VDAC2: variants seen among roughly 807,000 people sequenced by gnomAD.
VDAC2 encodes the protein non-selective voltage-gated ion channel VDAC2.
A neutral mutation model predicts 36.6 loss-of-function variants in VDAC2; 6 were observed. That is an observed-to-expected ratio of 0.16 (90% confidence interval 0.09 to 0.32). The LOEUF is 0.32. Among genes scored for constraint, VDAC2 ranks in the 10% least tolerant of loss-of-function variants. The probability of loss-of-function intolerance (pLI) is 1.00; values close to 1 mark genes in which losing one functional copy is unlikely to be tolerated. For synonymous variants in VDAC2, 109 were observed against 123.8 expected (o/e 0.88, Z 0.79); for missense variants, 247 against 346.0 (o/e 0.71, Z 2.27).
At chr10:75,226,104 T>G in intron 8 of VDAC2, among the ~76,000 whole-genome samples, 1 of 152,152 alleles carries the variant, frequency 6.6e-6, no homozygotes, top group East Asian at 1.9e-4. Context: ...AGTTGCTTCT[T>G]TAAACCTATC....
At chr10:75,225,689 C>G (rs1841932592) in intron 8 of VDAC2, among the ~76,000 whole-genome samples, 1 of 152,204 alleles carries the variant, frequency 6.6e-6, no homozygotes, top group Admixed American at 6.5e-5. Flanking sequence ...TGTCCTGTGA[C>G]TAAAGTCTCA....
chr10:75,210,394 G>C (rs1047898072), upstream of VDAC2, among the ~76,000 whole-genome samples: 1 of 152,312 alleles, frequency 6.6e-6, no homozygotes, highest in East Asian at 1.9e-4. Context: ...TTTGTTTCGG[G>C]GGGGAACCCG....
chr10:75,223,389 T>G lies in VDAC2; in HGVS notation c.735+987T>G, dbSNP rs182938255. On this transcript the variant is annotated intron_variant, in intron 8 of 9. Coordinates refer to ENST00000332211, the MANE Select transcript of VDAC2 (RefSeq NM_001391963.1). ...GGATGTCTGTGGCATTTTAACAGATTTAATGTAAGTGGAAGAAGCTTCTCT... is the reference window on the plus strand; with the variant it reads ...GGATGTCTGTGGCATTTTAACAGATGTAATGTAAGTGGAAGAAGCTTCTCT... Among the ~76,000 whole-genome samples, 9 of 152,308 alleles carry G rather than the reference T, an allele frequency of 5.9e-5. No individual in the cohort carries two copies. The East Asian group carries it at 1.7e-3, about 29-fold the overall frequency.
chr10:75,222,728 T>A (rs1183848502), intron 8 of VDAC2, among the ~76,000 whole-genome samples: 1 of 151,696 alleles, frequency 6.6e-6, no homozygotes, highest in Non-Finnish European at 1.5e-5. Flanking sequence ...AGTGCTTTTT[T>A]AAGGCTCTCT....
chr10:75,230,801 A>C, intron 9 of VDAC2, 97 bp from the exon 10 acceptor site: 1 of 1,023,966 alleles, frequency 9.8e-7, no homozygotes, highest in Non-Finnish European at 1.4e-6. Flanking sequence ...AGGAAGTGAC[A>C]GGCAGGCTCT....
In VDAC2 at chr10:75,218,940, C is replaced by T. The variant is rs577775582; in HGVS notation, c.151-123C>T. 42 of 943,280 alleles carry T rather than the reference C, an allele frequency of 4.5e-5. No homozygotes were observed. In the African/African-American group the frequency reaches 1.1e-3, roughly 25 times the overall value. The allele number at this position is 943,280 out of a possible 1,614,324, so 58.4% of individuals were successfully genotyped here. On this transcript the variant is annotated intron_variant, in intron 4 of 9. Coordinates refer to ENST00000332211, the MANE Select transcript of VDAC2 (RefSeq NM_001391963.1). ...CAGAAGGATACGAGTGTTTAGGAAG[C>T]TAGAAAAAGGATTCATGAATTTACC...
intron 7 of VDAC2, among the ~76,000 whole-genome samples, chr10:75,221,778 G>A (rs998795885): frequency 1.3e-5 from 2 of 152,106 alleles, no homozygotes; most frequent in African/African-American, 4.8e-5. Context: ...CCAGCCTGGT[G>A]TTTTTACCTA....
chr10:75,223,088 C>T (rs1380234911), intron 8 of VDAC2, among the ~76,000 whole-genome samples: 1 of 151,418 alleles, frequency 6.6e-6, no homozygotes, highest in South Asian at 2.1e-4. Flanking sequence ...TCAAGCAGCT[C>T]TTCTGCCTCA....
intron 8 of VDAC2, among the ~76,000 whole-genome samples, chr10:75,223,023 C>T (rs1282079590): frequency 3.3e-5 from 5 of 150,854 alleles, no homozygotes; most frequent in African/African-American, 4.9e-5. Flanking sequence ...CTCTGTCGCC[C>T]GGGCTGGGGT....
At chr10:75,212,327 G>C in intron 3 of VDAC2, 29 bp downstream of exon 3, 1 of 1,581,170 alleles carries the variant, frequency 6.3e-7, no homozygotes, top group East Asian at 2.2e-5. Flanking sequence ...AAACGTTTTA[G>C]ATAAAGAGTG....
intron 8 of VDAC2, among the ~76,000 whole-genome samples, chr10:75,224,991 C>CT (rs1841913758): frequency 6.6e-6 from 1 of 152,124 alleles, no homozygotes; most frequent in Admixed American, 6.5e-5. Flanking sequence ...TGTAACGAAA[C>CT]TGATTTTTTT....
chr10:75,211,219 G>C (rs1447112459), intron 2 of VDAC2, 30 bp downstream of exon 2: 1 of 1,610,148 alleles, frequency 6.2e-7, no homozygotes, highest in Non-Finnish European at 8.5e-7. Context: ...CTGCGGGATG[G>C]GGCGGCGGAG....
At chr10:75,219,018 C>G (rs774981626) in intron 4 of VDAC2, 45 bp from the exon 5 acceptor site, 4 of 1,579,556 alleles carry the variant, frequency 2.5e-6, no homozygotes, top group Non-Finnish European at 3.4e-6. Context: ...GTGATGAATT[C>G]TAGGCTTATG....
intron 3 of VDAC2, among the ~76,000 whole-genome samples, chr10:75,212,998 C>T (rs1841476261): frequency 2.0e-5 from 3 of 152,098 alleles, no homozygotes; most frequent in Admixed American, 2.0e-4. Flanking sequence ...TTGTTCCATA[C>T]CCTCCTCCCC....
chr10:75,223,365 G>C (rs1841872941), intron 8 of VDAC2, among the ~76,000 whole-genome samples: 1 of 152,130 alleles, frequency 6.6e-6, no homozygotes, highest in African/African-American at 2.4e-5. Flanking sequence ...GATGTTCTTG[G>C]ATGTCTGTGG....
chr10:75,215,569 G>A (rs1014032345), intron 4 of VDAC2, among the ~76,000 whole-genome samples: 38 of 151,522 alleles, frequency 2.5e-4, no homozygotes, highest in African/African-American at 7.7e-4. Context: ...AGCCAGGATG[G>A]TCTCAATCTC....
chr10:75,211,550 G>A, intron 2 of VDAC2: 2 of 1,550,246 alleles, frequency 1.3e-6, no homozygotes, highest in Middle Eastern at 1.7e-4. Flanking sequence ...CATTACTTGT[G>A]CTCCTAAGGG....
At chr10:75,227,453 C>T (rs991207172) in intron 8 of VDAC2, among the ~76,000 whole-genome samples, 2 of 151,876 alleles carry the variant, frequency 1.3e-5, no homozygotes, top group African/African-American at 2.4e-5. Flanking sequence ...GCTGCAGAAT[C>T]GTTTGCTTGA....
At chr10:75,225,939 C>G (rs566930810) in intron 8 of VDAC2, among the ~76,000 whole-genome samples, 1 of 152,048 alleles carries the variant, frequency 6.6e-6, no homozygotes, top group Non-Finnish European at 1.5e-5. Context: ...ATTATAGGTG[C>G]CCACTACCAC....
Sources: gnomAD v4.1 joint callset for allele counts (sites outside exome capture counted in the v4.1 genomes callset) on GRCh38, gnomAD v4.1.1 for gene constraint, MANE v1.5 for transcripts, NCBI Gene and HGNC (gene_info 2026-07-23, HGNC 2026-07-21) for gene names.